The following CTIF variants were observed in gnomAD, a reference collection of about 807,000 sequenced individuals.
The protein encoded by CTIF is CBP80/20-dependent translation initiation factor.
Under a neutral mutation model 66.0 loss-of-function variants are expected in CTIF, and 21 were observed. That is an observed-to-expected ratio of 0.32 (90% CI 0.23 to 0.46). The LOEUF is 0.46. Ranked by LOEUF, CTIF falls within the 20% of genes least tolerant of loss-of-function variation. The pLI is 1.00. For missense variants in CTIF, 739 were observed against 812.7 expected (o/e 0.91, Z 1.10); for synonymous variants, 345 against 326.4 (o/e 1.06, Z -0.62).
At chr18:48,593,474 G>A (rs1171819358) in intron 1 of CTIF, among the ~76,000 whole-genome samples, 8 of 150,404 alleles carry the variant, frequency 5.3e-5, no homozygotes, top group Admixed American at 6.6e-5. Flanking sequence ...TCTGCCTCCC[G>A]GGTTCATGCC....
At chr18:48,594,164 G>A (rs754007237) in intron 1 of CTIF, among the ~76,000 whole-genome samples, 48 of 151,850 alleles carry the variant, frequency 3.2e-4, no homozygotes, top group Admixed American at 6.6e-4. Context: ...CTTTTCCGGC[G>A]GGTCCTGGGG....
At chr18:48,695,601 C>T (rs1359719845) in intron 6 of CTIF, among the ~76,000 whole-genome samples, 2 of 152,188 alleles carry the variant, frequency 1.3e-5, no homozygotes, top group African/African-American at 4.8e-5. Context: ...CCCTCCTTTT[C>T]CTCATTTGTA....
chr18:48,589,938 G>A (rs555155170), intron 1 of CTIF, among the ~76,000 whole-genome samples: 17 of 152,302 alleles, frequency 1.1e-4, no homozygotes, highest in South Asian at 1.0e-3. Context: ...TGGGACGTGC[G>A]GTCATGCGTC....
chr18:48,852,392 C>T (rs1186585753), intron 10 of CTIF, among the ~76,000 whole-genome samples: 2 of 152,160 alleles, frequency 1.3e-5, no homozygotes, highest in African/African-American at 2.4e-5. Flanking sequence ...AGGCCCTGAA[C>T]CAGCCCCTCG....
chr18:48,601,856 T>A lies in CTIF; in HGVS notation c.-28-17682T>A, dbSNP rs535308290. ...GAGAAATAAAAGACATTGGCACAAATCTCAGGAAGCAAGAATTTTAGTCCA... is the reference window on the plus strand; with the variant it reads ...GAGAAATAAAAGACATTGGCACAAAACTCAGGAAGCAAGAATTTTAGTCCA... On this transcript the variant is annotated intron_variant, in intron 1 of 11. Transcript: ENST00000256413. 2.0e-5 allele frequency among the ~76,000 whole-genome samples: 3 copies of A among 152,334 alleles called. No individual in the cohort carries two copies. In the East Asian group the frequency reaches 5.8e-4, roughly 29 times the overall value.
At chr18:48,579,470 A>G (rs1019864799) in intron 1 of CTIF, among the ~76,000 whole-genome samples, 1 of 152,142 alleles carries the variant, frequency 6.6e-6, no homozygotes, top group African/African-American at 2.4e-5. Flanking sequence ...ACATGTAGAT[A>G]CCCAGTTGTC....
At chr18:48,714,115 G>A (rs2092256197) in intron 7 of CTIF, among the ~76,000 whole-genome samples, 1 of 152,204 alleles carries the variant, frequency 6.6e-6, no homozygotes, top group South Asian at 2.1e-4. Context: ...CACCCAAAGA[G>A]CCGCTGCAGA....
intron 7 of CTIF, among the ~76,000 whole-genome samples, chr18:48,745,727 C>T (rs1196110198): frequency 6.6e-6 from 1 of 152,204 alleles, no homozygotes; most frequent in Non-Finnish European, 1.5e-5. Context: ...AGGTTATCAG[C>T]GTCCTGCTAC....
chr18:48,725,615 C>T (rs918923559), intron 7 of CTIF, among the ~76,000 whole-genome samples: 1 of 152,174 alleles, frequency 6.6e-6, no homozygotes, highest in African/African-American at 2.4e-5. Flanking sequence ...ACTGCTCCTG[C>T]ATCCCGTTTT....
intron 9 of CTIF, among the ~76,000 whole-genome samples, chr18:48,764,538 G>T (rs1045258841): frequency 6.6e-6 from 1 of 152,120 alleles, no homozygotes; most frequent in South Asian, 2.1e-4. Flanking sequence ...AAAGGAAGGC[G>T]CTGGAAGCCT....
intron 6 of CTIF, among the ~76,000 whole-genome samples, chr18:48,696,101 T>G (rs1254419946): frequency 6.6e-6 from 1 of 152,236 alleles, no homozygotes; most frequent in African/African-American, 2.4e-5. Flanking sequence ...CCCTCTCCAC[T>G]TCTTCCCCAG....
intron 2 of CTIF, among the ~76,000 whole-genome samples, chr18:48,629,069 C>G (rs928942484): frequency 6.6e-6 from 1 of 152,194 alleles, no homozygotes; most frequent in African/African-American, 2.4e-5. Flanking sequence ...GAAGCCATTT[C>G]CCTTCAGCCT....
chr18:48,836,348 T>A (rs903916477), intron 10 of CTIF, among the ~76,000 whole-genome samples: 2 of 152,162 alleles, frequency 1.3e-5, no homozygotes, highest in Non-Finnish European at 2.9e-5. Flanking sequence ...CTGGTCTTTT[T>A]CAAGGCCTGA....
chr18:48,713,582 GA>G (rs1427365491), intron 7 of CTIF, among the ~76,000 whole-genome samples: 2 of 152,130 alleles, frequency 1.3e-5, no homozygotes, highest in African/African-American at 4.8e-5. Flanking sequence ...AAAGGATGTG[GA>G]CGGGCCAGGG....
intron 9 of CTIF, among the ~76,000 whole-genome samples, chr18:48,810,022 AT>A (rs1050546993): frequency 2.0e-5 from 3 of 151,966 alleles, no homozygotes; most frequent in African/African-American, 7.2e-5. Flanking sequence ...TTTTAGTTAA[AT>A]GTTTAGATCA....
chr18:48,669,545 T>C (rs990846213), intron 5 of CTIF, among the ~76,000 whole-genome samples: 1 of 151,872 alleles, frequency 6.6e-6, no homozygotes, highest in Non-Finnish European at 1.5e-5. Flanking sequence ...CTCCAGAATC[T>C]GTGTCCTTAA....
At chr18:48,603,592 T>G (rs2090145962) in intron 1 of CTIF, among the ~76,000 whole-genome samples, 1 of 140,164 alleles carries the variant, frequency 7.1e-6, no homozygotes, top group African/African-American at 2.7e-5. Flanking sequence ...GCTGGGTGGA[T>G]AGATGGATGA....
intron 1 of CTIF, among the ~76,000 whole-genome samples, chr18:48,608,405 C>T (rs1415406260): frequency 2.7e-5 from 4 of 149,910 alleles, no homozygotes; most frequent in South Asian, 2.2e-4. Flanking sequence ...ATGGTCCAGA[C>T]GTGGCCCCAG....
At chr18:48,844,998 A>G (rs994364860) in intron 10 of CTIF, among the ~76,000 whole-genome samples, 3 of 152,262 alleles carry the variant, frequency 2.0e-5, no homozygotes, top group Admixed American at 6.5e-5. Context: ...AACTGGCTCA[A>G]GACTCTCCTA....
Sources: allele counts gnomAD v4.1 joint callset (sites outside exome capture counted in the v4.1 genomes callset), GRCh38; gene constraint gnomAD v4.1.1; transcripts MANE v1.5; gene names NCBI Gene and HGNC (gene_info 2026-07-23, HGNC 2026-07-21).